Variants in ATXN10 observed in about 807,000 individuals in gnomAD.
The protein encoded by ATXN10 is ataxin-10.
A neutral mutation model predicts 52.9 loss-of-function variants in ATXN10; 28 were observed. That is an observed-to-expected ratio of 0.53 (90% confidence interval 0.39 to 0.73). The LOEUF (loss-of-function observed/expected upper bound fraction) is 0.73. Ranked by LOEUF, ATXN10 falls within the 30% of genes least tolerant of loss-of-function variation. ATXN10 has a pLI of 0.00. For missense variants in ATXN10, 565 were observed against 577.0 expected (o/e 0.98, Z 0.21); for synonymous variants, 226 against 221.5 (o/e 1.02, Z -0.18).
chr22:45,788,737 A>G (rs1320268899), intron 9 of ATXN10, among the ~76,000 whole-genome samples: 1 of 151,994 alleles, frequency 6.6e-6, no homozygotes, highest in Non-Finnish European at 1.5e-5. Context: ...GCTCCCTGGA[A>G]CTTTGAACTC....
intron 1 of ATXN10, 158 bp from the exon 2 acceptor site, chr22:45,689,554 A>G: frequency 1.5e-6 from 1 of 655,816 alleles, no homozygotes; most frequent in Non-Finnish European, 2.7e-6. Flanking sequence ...AGTGCTCAAT[A>G]TGTGTAGATC....
Position 45,837,418 on chromosome 22 carries a change from C to T in ATXN10, c.1238-5573C>T, listed in dbSNP as rs911401816. Among the ~76,000 whole-genome samples the T allele has an allele frequency of 3.9e-5, 6 of 152,024 alleles. No homozygotes were observed. The highest frequency in any genetic ancestry group is 6.6e-5 in the Admixed American group (1 of 15,262). On this transcript the variant is annotated intron_variant, in intron 10 of 11. Transcript: ENST00000252934. This position sits in a 1 kb window ranked among gnomAD's most constrained non-coding sequence, Gnocchi z 5.8. Reference sequence around the variant, plus strand: ...TGGGACTGCAGGCGGCTCACCAGCACGCCCAGCTGATTTTTTTGTATATTT... The same window carrying T: ...TGGGACTGCAGGCGGCTCACCAGCATGCCCAGCTGATTTTTTTGTATATTT...
At chr22:45,694,825 G>A (rs138261502) in intron 3 of ATXN10, among the ~76,000 whole-genome samples, 40 of 148,158 alleles carry the variant, frequency 2.7e-4, no homozygotes, top group African/African-American at 8.9e-4. Flanking sequence ...GCCTGTAGTC[G>A]CAGCTACTTG....
rs1763180721 is a variant in ATXN10 at position 45,689,980 on chromosome 22, A to G, written c.308+77A>G. On this transcript the variant is annotated intron_variant, in intron 2 of 11. Coordinates refer to ENST00000252934, the MANE Select transcript of ATXN10 (RefSeq NM_013236.4). Reference sequence around the variant, plus strand: ...TTCTGTCATTTGGTTTATCTGTTAGAAGTTGTTTTGGGCTGGGTAAGGTGG... The same window carrying G: ...TTCTGTCATTTGGTTTATCTGTTAGGAGTTGTTTTGGGCTGGGTAAGGTGG... 65 of 1,527,972 alleles carry G rather than the reference A, an allele frequency of 4.3e-5. 2 individuals are homozygous for G. The South Asian group carries it at 7.1e-4, about 17-fold the overall frequency. 94.7% of individuals were successfully genotyped at this position (1,527,972 alleles called of 1,614,324 possible). A position where few individuals can be genotyped will look rare whatever the true frequency, so the allele number is the denominator to read the frequency against.
Position 45,729,491 on chromosome 22 carries a change from C to A in ATXN10, c.795C>A (p.Ile265=), listed in dbSNP as rs1925003287. Residue 265 remains isoleucine, a synonymous_variant, in exon 7 of 12, where the codon ATC becomes ATA. Transcript: ENST00000252934. ...TSDEPLTKDD[I]PVFLRHAELI... is the part of the protein sequence containing the mutation. ...ATGAGCCACTCACCAAGGATGACATCCCTGTGTTTTTGCGGCATGCTGAGT... is the reference window on the plus strand; with the variant it reads ...ATGAGCCACTCACCAAGGATGACATACCTGTGTTTTTGCGGCATGCTGAGT... The A allele has an allele frequency of 6.2e-7, 1 of 1,613,956 alleles. No individual in the cohort carries two copies. The highest frequency in any genetic ancestry group is 1.3e-5 in the African/African-American group (1 of 74,874).
chr22:45,837,464 A>G lies in ATXN10; in HGVS notation c.1238-5527A>G, dbSNP rs1929205225. On this transcript the variant is annotated intron_variant, in intron 10 of 11. Transcript: ENST00000252934. The surrounding 1 kb of genome is among the most constrained non-coding windows in gnomAD (Gnocchi z 5.8). ...TATTTAGTAGAGATGGGGTTTTACC[A>G]TGTTGGCCAGGCTGGTCTCATACTC... 6.6e-6 allele frequency among the ~76,000 whole-genome samples: 1 copy of G among 152,076 alleles called. No individual in the cohort carries two copies. Among genetic ancestry groups the G allele is most frequent in the Non-Finnish European group, 1.5e-5 (1 of 68,018 alleles).
intron 9 of ATXN10, among the ~76,000 whole-genome samples, chr22:45,767,101 C>G (rs915619394): frequency 6.6e-6 from 1 of 152,146 alleles, no homozygotes; most frequent in Admixed American, 6.5e-5. Flanking sequence ...CTTTTTGACT[C>G]AGCAGTCTTG....
intron 9 of ATXN10, among the ~76,000 whole-genome samples, chr22:45,741,241 C>T (rs1306447921): frequency 6.6e-6 from 1 of 152,344 alleles, no homozygotes; most frequent in Non-Finnish European, 1.5e-5. Flanking sequence ...TGTGTGTCTG[C>T]AGTATGACTT....
At position 45,769,633 on chromosome 22, in the gene ATXN10, C is replaced by T. The variant is rs1454548403; in HGVS notation, c.1173+29095C>T. Among the ~76,000 whole-genome samples, 1 of 152,168 alleles carries T rather than the reference C, an allele frequency of 6.6e-6. No homozygotes were observed. On this transcript the variant is annotated intron_variant, in intron 9 of 11. Transcript: ENST00000252934. The surrounding 1 kb of genome is among the most constrained non-coding windows in gnomAD (Gnocchi z 4.2). Reference sequence around the variant, plus strand: ...AGGTTTGGCTGAAGCTAGAGAGAATCTCAAATAGACTTGGTCAAGAAAAGA... The same window carrying T: ...AGGTTTGGCTGAAGCTAGAGAGAATTTCAAATAGACTTGGTCAAGAAAAGA...
Position 45,757,229 on chromosome 22 carries a change from G to A in ATXN10, c.1173+16691G>A, listed in dbSNP as rs563753866. On this transcript the variant is annotated intron_variant, in intron 9 of 11. Transcript: ENST00000252934. The surrounding 1 kb of genome is among the most constrained non-coding windows in gnomAD (Gnocchi z 4.6). Reference sequence around the variant, plus strand: ...TGGCGGCCTTGGAGCAGTTCGAAGAGAGGGCGTGTCCTTTGCCTGTTGGAA... The same window carrying A: ...TGGCGGCCTTGGAGCAGTTCGAAGAAAGGGCGTGTCCTTTGCCTGTTGGAA... Among the ~76,000 whole-genome samples, 1 of 152,308 alleles carries A rather than the reference G, an allele frequency of 6.6e-6. No homozygotes were observed. Among genetic ancestry groups the A allele is most frequent in the East Asian group, 1.9e-4 (1 of 5,182 alleles).
rs1009628612 is a variant in ATXN10, at chr22:45,844,643, T to C, written c.*972T>C. 6 of 152,204 alleles carry C rather than the reference T, an allele frequency of 3.9e-5. No homozygotes were observed. The highest frequency in any genetic ancestry group is 1.4e-4 in the African/African-American group (6 of 41,464). The allele number at this position is 152,204 out of a possible 1,614,324, so 9.4% of individuals were successfully genotyped here. On this transcript the variant is annotated 3_prime_UTR_variant, in exon 12 of 12. Transcript: ENST00000252934. ...GGACTGGATTAAATGACCACTGAAC[T>C]CACTGAATCCAGATCATTCATATCA...
At chr22:45,686,248 C>T (rs1365197293) in intron 1 of ATXN10, among the ~76,000 whole-genome samples, 2 of 152,128 alleles carry the variant, frequency 1.3e-5, no homozygotes, top group African/African-American at 4.8e-5. Flanking sequence ...AGTCAGGGGC[C>T]ACTTTTGAGT....
rs189774947 is a variant in ATXN10, at chr22:45,824,281, C to A, written c.1237+17259C>A. Among the ~76,000 whole-genome samples, 1 of 152,140 alleles carries A rather than the reference C, an allele frequency of 6.6e-6. No homozygotes were observed. Among genetic ancestry groups the A allele is most frequent in the Non-Finnish European group, 1.5e-5 (1 of 68,014 alleles). ...TCTACATTTGGCCAACTCCTACTCA[C>A]CTTTGAGTTTGATTTAAATATTATT... On this transcript the variant is annotated intron_variant, in intron 10 of 11. Transcript: ENST00000252934. The surrounding 1 kb of genome is among the most constrained non-coding windows in gnomAD (Gnocchi z 5.2).
chr22:45,831,847 T>G (rs916471001), intron 10 of ATXN10, among the ~76,000 whole-genome samples: 15 of 152,372 alleles, frequency 9.8e-5, no homozygotes, highest in Non-Finnish European at 2.1e-4. Flanking sequence ...TAGAGGAGCG[T>G]GGTGGCCTTT....
Position 45,795,409 on chromosome 22 carries a change from TA to T in ATXN10, c.1174-11549del, listed in dbSNP as rs879273985. On this transcript the variant is annotated intron_variant, in intron 9 of 11. Transcript: ENST00000252934. The surrounding 1 kb of genome is among the most constrained non-coding windows in gnomAD (Gnocchi z 4.6). ...TATTCTATTCTATTCTATTCTATTC[TA>T]TTCTATTCTATTCTTTTTGAGATGA... is the stretch of plus-strand genomic sequence containing the variant. Among the ~76,000 whole-genome samples the T allele has an allele frequency of 3.6e-3, 539 of 150,642 alleles. 4 individuals are homozygous for T. The highest frequency in any genetic ancestry group is 6.4e-3 in the Non-Finnish European group (437 of 67,786).
chr22:45,713,420 C>T (rs1924326435), intron 5 of ATXN10, among the ~76,000 whole-genome samples: 1 of 152,070 alleles, frequency 6.6e-6, no homozygotes, highest in African/African-American at 2.4e-5. Flanking sequence ...TGAATGTTAG[C>T]TTTTCTGTGA....
intron 6 of ATXN10, among the ~76,000 whole-genome samples, 194 bp from the exon 7 acceptor site, chr22:45,729,231 C>A (rs879029972): frequency 2.0e-5 from 3 of 152,058 alleles, no homozygotes; most frequent in African/African-American, 7.2e-5. Context: ...CAAGACACAT[C>A]AAAGAAATGA....
chr22:45,836,543 T>C (rs978352295), intron 10 of ATXN10, among the ~76,000 whole-genome samples: 1 of 152,076 alleles, frequency 6.6e-6, no homozygotes, highest in African/African-American at 2.4e-5. Flanking sequence ...GGCAGCACTT[T>C]GGGAAGTGTC....
At chr22:45,751,765 A>AAAAAAAAAAAAAATAATAG (rs1925980714) in intron 9 of ATXN10, among the ~76,000 whole-genome samples, 1 of 76,378 alleles carries the variant, frequency 1.3e-5, no homozygotes, top group Non-Finnish European at 2.7e-5. Context: ...TAAAAAAAAA[A>AAAAAAAAAAAAAATAATAG]TAATAATAAT....
Sources: allele counts gnomAD v4.1 joint callset (sites outside exome capture counted in the v4.1 genomes callset), GRCh38; gene constraint gnomAD v4.1.1; non-coding constraint Gnocchi (gnomAD v3.1); transcripts MANE v1.5; gene names NCBI Gene and HGNC (gene_info 2026-07-23, HGNC 2026-07-21).